Variants in GPR158 observed in about 807,000 individuals in gnomAD.
GPR158 encodes the protein metabotropic glycine receptor.
A neutral mutation model predicts 78.2 loss-of-function variants in GPR158; 30 were observed. That is an observed-to-expected ratio of 0.38 (90% confidence interval 0.29 to 0.52). The LOEUF (loss-of-function observed/expected upper bound fraction) is 0.52, where lower values mean the gene tolerates loss of function less well. GPR158 is among the 20% of genes least tolerant of loss of function. GPR158 has a pLI of 0.83. For synonymous variants in GPR158, 581 were observed against 591.1 expected, an observed-to-expected ratio of 0.98 and a Z score of 0.25; for missense variants, 1,463 against 1,523.5, an observed-to-expected ratio of 0.96 and a Z score of 0.66.
chr10:25,426,294 C>T (rs1834819082), intron 4 of GPR158, among the ~76,000 whole-genome samples: 1 of 152,120 alleles, frequency 6.6e-6, no homozygotes, highest in African/African-American at 2.4e-5. Flanking sequence ...ATTTTGCTTT[C>T]TTAACATTCG....
intron 7 of GPR158, among the ~76,000 whole-genome samples, chr10:25,577,863 T>A (rs17557603): frequency 3.2e-5 from 3 of 95,064 alleles, no homozygotes; most frequent in Admixed American, 1.1e-4. Context: ...TATAAAAAAA[T>A]AAGGTAAGAT....
rs144636137 is a variant in GPR158 at position 25,229,352 on chromosome 10, A to G, written c.1008+8195A>G. 2.0e-3 allele frequency among the ~76,000 whole-genome samples: 305 copies of G among 152,286 alleles called. 2 individuals carry two copies. Among genetic ancestry groups the G allele is most frequent in the African/African-American group, 6.7e-3 (280 of 41,568 alleles). ...AATTGAAGGTTACAGTAGGAAGTGG[A>G]TGGATTCACAGTAAAGACTGGATAA... On this transcript the variant is annotated intron_variant, in intron 2 of 10. Coordinates refer to ENST00000376351, the MANE Select transcript of GPR158 (RefSeq NM_020752.3).
intron 1 of GPR158, among the ~76,000 whole-genome samples, chr10:25,185,329 T>A (rs958237065): frequency 6.6e-6 from 1 of 152,256 alleles, no homozygotes; most frequent in African/African-American, 2.4e-5. Context: ...AAGATCATTG[T>A]ATATATAGAA....
At chr10:25,241,372 C>CTCTTTTCTCTCT (rs1554787300) in intron 2 of GPR158, among the ~76,000 whole-genome samples, 9 of 102,950 alleles carry the variant, frequency 8.7e-5, no homozygotes, top group African/African-American at 5.0e-4. Context: ...CTTTTCTTTT[C>CTCTTTTCTCTCT]TCTCTTCTCT....
intron 2 of GPR158, among the ~76,000 whole-genome samples, chr10:25,308,131 G>T (rs1854709132): frequency 6.6e-6 from 1 of 152,060 alleles, no homozygotes; most frequent in Non-Finnish European, 1.5e-5. Flanking sequence ...ATTGGTAAAG[G>T]GTGCTATCTT....
At chr10:25,385,919 T>C (rs1834216375) in intron 2 of GPR158, among the ~76,000 whole-genome samples, 1 of 152,206 alleles carries the variant, frequency 6.6e-6, no homozygotes, top group African/African-American at 2.4e-5. Flanking sequence ...CTTTTCATTC[T>C]GTTGATTGTA....
intron 7 of GPR158, among the ~76,000 whole-genome samples, chr10:25,573,432 C>G (rs1460294216): frequency 6.6e-6 from 1 of 152,336 alleles, no homozygotes; most frequent in East Asian, 1.9e-4. Flanking sequence ...TACACAAAGA[C>G]TAAGCCATGC....
chr10:25,526,919 G>C (rs1343214266), intron 5 of GPR158, among the ~76,000 whole-genome samples: 1 of 152,156 alleles, frequency 6.6e-6, no homozygotes, highest in African/African-American at 2.4e-5. Flanking sequence ...GCTATATGCT[G>C]TACAATGTAT....
intron 7 of GPR158, among the ~76,000 whole-genome samples, chr10:25,584,899 C>T (rs147513760): frequency 3.4e-4 from 51 of 152,220 alleles, no homozygotes; most frequent in Middle Eastern, 6.8e-3. Context: ...TTTGCTGTGG[C>T]GGCCTGAGCA....
intron 5 of GPR158, among the ~76,000 whole-genome samples, chr10:25,520,377 CAA>C (rs1304776573): frequency 6.7e-6 from 1 of 148,208 alleles, no homozygotes; most frequent in Non-Finnish European, 1.5e-5. Context: ...CTCAGCTCGT[CAA>C]AGTCATTCTC....
chr10:25,365,028 T>C (rs993835068), intron 2 of GPR158, among the ~76,000 whole-genome samples: 2 of 151,784 alleles, frequency 1.3e-5, no homozygotes, highest in African/African-American at 4.8e-5. Context: ...TATGTTTTCC[T>C]AAAGTACTTG....
chr10:25,179,157 T>C (rs1852581268), intron 1 of GPR158, among the ~76,000 whole-genome samples: 1 of 152,258 alleles, frequency 6.6e-6, no homozygotes, highest in Non-Finnish European at 1.5e-5. Context: ...TTTTTGTTGA[T>C]GATATTTTAT....
chr10:25,408,338 G>T (rs145296351), intron 3 of GPR158, among the ~76,000 whole-genome samples: 1 of 152,278 alleles, frequency 6.6e-6, no homozygotes, highest in African/African-American at 2.4e-5. Context: ...GTCCTTTGTT[G>T]CTAATGTCCA....
intron 2 of GPR158, among the ~76,000 whole-genome samples, chr10:25,395,662 C>T (rs1208891534): frequency 6.6e-6 from 1 of 152,094 alleles, no homozygotes; most frequent in African/African-American, 2.4e-5. Context: ...TTAACTCATT[C>T]CATTGCCACA....
chr10:25,564,335 A>G (rs530855059), intron 6 of GPR158, among the ~76,000 whole-genome samples: 49 of 152,238 alleles, frequency 3.2e-4, no homozygotes, highest in Non-Finnish European at 4.7e-4. Context: ...CTAGATTCCC[A>G]GAAATATATT....
chr10:25,353,725 C>G (rs987629486), intron 2 of GPR158, among the ~76,000 whole-genome samples: 2 of 152,036 alleles, frequency 1.3e-5, no homozygotes, highest in Non-Finnish European at 2.9e-5. Context: ...TTTTCTACCC[C>G]TTTACTTTTT....
intron 2 of GPR158, among the ~76,000 whole-genome samples, chr10:25,266,761 G>T (rs1854050142): frequency 6.6e-6 from 1 of 152,050 alleles, no homozygotes; most frequent in East Asian, 1.9e-4. Context: ...ATAAAATGCT[G>T]TGAGCAGTTT....
intron 2 of GPR158, among the ~76,000 whole-genome samples, chr10:25,351,450 C>G (rs564914718): frequency 2.2e-4 from 33 of 151,698 alleles, no homozygotes; most frequent in Non-Finnish European, 4.1e-4. Context: ...GCTGGAAATG[C>G]CTATCCTGGG....
rs541105980 is a variant in GPR158 at position 25,389,026 on chromosome 10, G to A, written c.1009-6885G>A. On this transcript the variant is annotated intron_variant, in intron 2 of 10. Transcript: ENST00000376351. ...CCAATGAGCATGGGAGGGAGGCCCA[G>A]TGGGTGCTGAGGGAAGCTTGGCAGT... is the stretch of plus-strand genomic sequence containing the variant. 2.6e-5 allele frequency among the ~76,000 whole-genome samples: 4 copies of A among 152,358 alleles called. No individual in the cohort carries two copies. In the East Asian group the frequency reaches 7.7e-4, roughly 29 times the overall value.
Sources: allele counts gnomAD v4.1 joint callset (sites outside exome capture counted in the v4.1 genomes callset), GRCh38; gene constraint gnomAD v4.1.1; transcripts MANE v1.5; gene names NCBI Gene and HGNC (gene_info 2026-07-23, HGNC 2026-07-21).